Variants in DNAH1 observed in about 807,000 individuals in gnomAD.
The protein encoded by DNAH1 is axonemal beta dynein heavy chain 1.
In DNAH1, 327 loss-of-function variants were observed where a neutral mutation model predicts 484.3. The ratio of observed to expected loss-of-function variants is 0.68; its 90% confidence interval spans 0.62 to 0.74. DNAH1 has a LOEUF of 0.74. Among genes scored for constraint, DNAH1 ranks in the 30% least tolerant of loss-of-function variants. The probability of loss-of-function intolerance (pLI) is 0.00; values close to 1 mark genes in which losing one functional copy is unlikely to be tolerated. For synonymous variants in DNAH1, 2,192 were observed against 2,191.9 expected (o/e 1.00, Z 0.00); for missense variants, 5,052 against 5,546.8 (o/e 0.91, Z 2.83).
intron 14 of DNAH1, 83 bp from the exon 15 acceptor site, chr3:52,349,905 TG>T: frequency 6.6e-7 from 1 of 1,511,526 alleles, no homozygotes; most frequent in South Asian, 1.3e-5. Context: ...TGTCGGGAGA[TG>T]CTGGAGACCA....
rs1702625629 is a variant in DNAH1 at position 52,356,741 on chromosome 3, GGAA to G, written c.3827_3829del (p.Lys1276del). The stretch of plus-strand genomic sequence containing the variant: ...CGCTACCAGACCATGGAGCGGATCT[GGAA>G]GAAGATCATGAAGAATGCCTACGAG... On this transcript the variant is annotated inframe_deletion, in exon 22 of 78. Transcript: ENST00000420323. 3.1e-6 allele frequency: 5 copies of G among 1,613,266 alleles called. No homozygotes were observed. Among genetic ancestry groups the G allele is most frequent in the South Asian group, 2.2e-5 (2 of 90,986 alleles).
chr3:52,375,948 C>T lies in DNAH1; in HGVS notation c.7160-7C>T. 6.2e-7 allele frequency: 1 copy of T among 1,612,374 alleles called. No homozygotes were observed. The highest frequency in any genetic ancestry group is 8.5e-7 in the Non-Finnish European group (1 of 1,179,434). ...CTGAGCCCCGTGTTTCTCCCTCCAT[C>T]CTCTAGATGGACTCCTTGGAGAAAA... On this transcript the variant is annotated splice_region_variant and splice_polypyrimidine_tract_variant and intron_variant, in intron 45 of 77. Coordinates refer to ENST00000420323, the MANE Select transcript of DNAH1 (RefSeq NM_015512.5).
At chr3:52,311,360 G>A (rs144372608), upstream of DNAH1, among the ~76,000 whole-genome samples, 326 of 152,298 alleles carry the variant, frequency 2.1e-3, 1 homozygote, top group Non-Finnish European at 3.6e-3. Flanking sequence ...GTTAAGTTCT[G>A]GGTTGGCTCA....
chr3:52,390,051 G>T (rs1417498021), intron 60 of DNAH1, among the ~76,000 whole-genome samples: 1 of 152,150 alleles, frequency 6.6e-6, no homozygotes, highest in Non-Finnish European at 1.5e-5. Flanking sequence ...AACCCAGGAG[G>T]CGGGGGTTGC....
chr3:52,380,229 T>C (rs1703785452), intron 48 of DNAH1, 94 bp downstream of exon 48: 2 of 1,102,156 alleles, frequency 1.8e-6, no homozygotes, highest in African/African-American at 1.6e-5. Flanking sequence ...ACTAACAGAC[T>C]ACCACACTAT....
chr3:52,314,383 G>A (rs1700883834), upstream of DNAH1, among the ~76,000 whole-genome samples: 1 of 152,226 alleles, frequency 6.6e-6, no homozygotes, highest in Non-Finnish European at 1.5e-5. Flanking sequence ...CAGAGCCTCA[G>A]CATCCTGCAC....
At chr3:52,328,708 T>TG (rs1701440761) in intron 6 of DNAH1, among the ~76,000 whole-genome samples, 1 of 152,250 alleles carries the variant, frequency 6.6e-6, no homozygotes, top group African/African-American at 2.4e-5. Context: ...TTTCCTGCTG[T>TG]GGAAAGCAGT....
chr3:52,374,666 C>G, intron 44 of DNAH1: 1 of 1,450,536 alleles, frequency 6.9e-7, no homozygotes, highest in Non-Finnish European at 9.7e-7. Context: ...TTCTGCCCAT[C>G]ATGTTTCCTT....
Position 52,391,386 on chromosome 3 carries a change from C to T in DNAH1, c.9892-57C>T, listed in dbSNP as rs1299495726. The T allele has an allele frequency of 2.5e-6, 4 of 1,590,458 alleles. No homozygotes were observed. The African/African-American group carries it at 4.0e-5, about 16-fold the overall frequency. On this transcript the variant is annotated intron_variant, in intron 62 of 77. Transcript: ENST00000420323. ...TAGGCCTGGACAGGGCAGTCCCCTT[C>T]CCCTGCCCCACTGGTGATGCTCAGG...
rs762435221 is a variant in DNAH1, at chr3:52,396,482, A to G, written c.11374A>G (p.Asn3792Asp). ...TGAGCCGCCACGCGGTGTCAGGGCCAACCTGCTGAAGTCCTATAGTAGCCT... is the reference window on the plus strand; with the variant it reads ...TGAGCCGCCACGCGGTGTCAGGGCCGACCTGCTGAAGTCCTATAGTAGCCT... Reference protein sequence around the residue: ...TIEPPRGVRANLLKSYSSLGE... With the variant: ...TIEPPRGVRADLLKSYSSLGE... The change falls in exon 71 of 78, where the codon AAC (asparagine) becomes GAC (aspartate). Residue 3792 changes from asparagine (N) to aspartate (D), a missense_variant. Around this residue, in one of 4 missense-constraint regions of DNAH1, gnomAD observed 853 missense variants for 899.0 expected, o/e 0.95. Coordinates refer to ENST00000420323, the MANE Select transcript of DNAH1 (RefSeq NM_015512.5). The G allele has an allele frequency of 6.2e-7, 1 of 1,606,896 alleles. No individual in the cohort carries two copies. Among genetic ancestry groups the G allele is most frequent in the African/African-American group, 1.3e-5 (1 of 74,760 alleles).
chr3:52,357,939 C>T lies in DNAH1; in HGVS notation c.4022C>T (p.Ser1341Leu), dbSNP rs374727086. ...LSDDELLEIL[S>L]QTKDPTAVQP... ...GATGATGAACTACTAGAGATCTTGTCGCAGACAAAGGACCCCACGGCCGTG... is the reference window on the plus strand; with the variant it reads ...GATGATGAACTACTAGAGATCTTGTTGCAGACAAAGGACCCCACGGCCGTG... The change falls in exon 24 of 78, where the codon TCG becomes TTG. Residue 1341 changes from serine (S) to leucine (L), a missense_variant. By Grantham distance (145) the Ser-to-Leu change is moderately radical. This residue lies in a region of DNAH1 where 2,929 missense variants were observed against 3,409.4 expected (regional missense o/e 0.86). Coordinates refer to ENST00000420323, the MANE Select transcript of DNAH1 (RefSeq NM_015512.5). 1.2e-5 allele frequency: 19 copies of T among 1,613,212 alleles called. No homozygotes were observed. The highest frequency in any genetic ancestry group is 6.7e-5 in the East Asian group (3 of 44,884).
Position 52,389,575 on chromosome 3 carries a change from C to A in DNAH1, c.9610C>A (p.Arg3204=). 6.7e-7 allele frequency: 1 copy of A among 1,500,490 alleles called. No individual in the cohort carries two copies. The highest frequency in any genetic ancestry group is 2.7e-5 in the East Asian group (1 of 37,386). The allele number at this position is 1,500,490 out of a possible 1,614,324, so 92.9% of individuals were successfully genotyped here. A position where few individuals can be genotyped will look rare whatever the true frequency, so the allele number is the denominator to read the frequency against. The stretch of plus-strand genomic sequence containing the variant: ...GACGCTGGGGAACCCTGTGAAGATC[C>A]GATCGTGGCAGGTGCCCACCCCAGG... ...IGTLGNPVKI[R]SWQIAGLPND... The change falls in exon 60 of 78, where the codon CGA becomes AGA. Residue 3204 remains arginine (R), a synonymous_variant. Coordinates refer to ENST00000420323, the MANE Select transcript of DNAH1 (RefSeq NM_015512.5).
At position 52,396,494 on chromosome 3, in the gene DNAH1, T is replaced by C. The variant is rs1439789530; in HGVS notation, c.11386T>C (p.Ser3796Pro). The C allele has an allele frequency of 2.5e-6, 4 of 1,609,132 alleles. No homozygotes were observed. Among genetic ancestry groups the C allele is most frequent in the Non-Finnish European group, 3.4e-6 (4 of 1,177,788 alleles). ...CGGTGTCAGGGCCAACCTGCTGAAG[T>C]CCTATAGTAGCCTTGGTGAAGACTT... ...PRGVRANLLKSYSSLGEDFLN... is the reference protein window; with the variant it reads ...PRGVRANLLKPYSSLGEDFLN... The change falls in exon 71 of 78, where the codon TCC becomes CCC. Residue 3796 changes from serine (S) to proline (P), a missense_variant. Coordinates refer to ENST00000420323, the MANE Select transcript of DNAH1 (RefSeq NM_015512.5).
chr3:52,373,184 A>C, intron 44 of DNAH1, 131 bp downstream of exon 44: 1 of 960,282 alleles, frequency 1.0e-6, no homozygotes, highest in Non-Finnish European at 1.4e-6. Flanking sequence ...TTAAAATTAA[A>C]GGGGAGGAGG....
chr3:52,326,646 C>G (rs1275605587), intron 4 of DNAH1, 89 bp from the exon 5 acceptor site: 1 of 1,478,378 alleles, frequency 6.8e-7, no homozygotes, highest in Non-Finnish European at 9.1e-7. Context: ...CACCCCTGTC[C>G]CCACAACCCC....
Position 52,395,813 on chromosome 3 carries a change from A to G in DNAH1, c.11259+135A>G, listed in dbSNP as rs1425145658. ...ACGTGGCAAGTGCTCAGCAACTGACATGTGCCACACATCGACATCATTAAT... is the reference window on the plus strand; with the variant it reads ...ACGTGGCAAGTGCTCAGCAACTGACGTGTGCCACACATCGACATCATTAAT... On this transcript the variant is annotated intron_variant, in intron 70 of 77. Transcript: ENST00000420323. This position sits in a 1 kb window ranked among gnomAD's most constrained non-coding sequence, Gnocchi z 4.4. 12 of 1,275,306 alleles carry G rather than the reference A, an allele frequency of 9.4e-6. No homozygotes were observed. In the African/African-American group the frequency reaches 1.3e-4, roughly 14 times the overall value. 79.0% of individuals were successfully genotyped at this position (1,275,306 alleles called of 1,614,324 possible).
At position 52,386,221 on chromosome 3, in the gene DNAH1, A is replaced by G. The variant is rs749810861; in HGVS notation, c.8687A>G (p.Asn2896Ser). ...NSVQTEEIKA[N>S]EKAKKAQAIA... ...GTGCAGACAGAGGAGATCAAAGCCAATGAGAAGGCCAAGAAGGCACAAGCT... is the reference window on the plus strand; with the variant it reads ...GTGCAGACAGAGGAGATCAAAGCCAGTGAGAAGGCCAAGAAGGCACAAGCT... The change falls in exon 55 of 78, where the codon AAT becomes AGT. Residue 2896 changes from asparagine to serine, a missense_variant. Transcript: ENST00000420323. The G allele has an allele frequency of 5.0e-6, 8 of 1,613,870 alleles. No individual in the cohort carries two copies. In the South Asian group the frequency reaches 8.8e-5, roughly 18 times the overall value.
At chr3:52,359,208 CGGCTGTCCA>C in intron 25 of DNAH1, 29 bp from the exon 26 acceptor site, 1 of 1,550,850 alleles carries the variant, frequency 6.4e-7, no homozygotes, top group Non-Finnish European at 8.7e-7. Context: ...ATTGGGGCTG[CGGCTGTCCA>C]GGTCAGCCTG....
At chr3:52,312,124 T>A (rs1366055387), upstream of DNAH1, among the ~76,000 whole-genome samples, 3 of 152,094 alleles carry the variant, frequency 2.0e-5, no homozygotes, top group Admixed American at 6.5e-5. Context: ...GGACCGAGGG[T>A]CCAGCTGCCA....
Sources: allele counts gnomAD v4.1 joint callset (sites outside exome capture counted in the v4.1 genomes callset), GRCh38; gene constraint gnomAD v4.1.1; regional missense constraint gnomAD v4.1.1; non-coding constraint Gnocchi (gnomAD v3.1); transcripts MANE v1.5; gene names NCBI Gene and HGNC (gene_info 2026-07-23, HGNC 2026-07-21).